The following NCKAP5 variants were observed in gnomAD, a reference collection of about 807,000 sequenced individuals.
NCKAP5 encodes the protein NCK associated protein 5.
A neutral mutation model predicts 167.0 loss-of-function variants in NCKAP5; 92 were observed. The observed-to-expected ratio is 0.55, with a 90% CI of 0.47 to 0.66. NCKAP5 has a LOEUF of 0.66. NCKAP5 is among the 30% of genes least tolerant of loss of function. NCKAP5 has a pLI of 0.00. For synonymous variants in NCKAP5, 891 were observed against 877.4 expected (o/e 1.02, Z -0.27); for missense variants, 2,378 against 2,315.0 (o/e 1.03, Z -0.56).
chr2:133,336,062 G>C (rs935464754), intron 3 of NCKAP5, among the ~76,000 whole-genome samples: 1 of 152,036 alleles, frequency 6.6e-6, no homozygotes, highest in Non-Finnish European at 1.5e-5. Context: ...GAATTAAGAG[G>C]TGTGGGCCTT....
intron 6 of NCKAP5, among the ~76,000 whole-genome samples, chr2:133,042,672 G>A (rs1045768543): frequency 2.0e-5 from 3 of 152,212 alleles, no homozygotes; most frequent in Non-Finnish European, 2.9e-5. Flanking sequence ...ACACACGTGT[G>A]CTTTCTAAAT....
intron 6 of NCKAP5, among the ~76,000 whole-genome samples, chr2:133,036,895 G>A (rs2079057569): frequency 6.6e-6 from 1 of 152,000 alleles, no homozygotes; most frequent in Non-Finnish European, 1.5e-5. Flanking sequence ...GTTGGCAGAT[G>A]ATATGATCTT....
chr2:133,378,243 G>A (rs936095037), intron 3 of NCKAP5, among the ~76,000 whole-genome samples: 1 of 152,054 alleles, frequency 6.6e-6, no homozygotes, highest in Non-Finnish European at 1.5e-5. Flanking sequence ...ATATCCAAAT[G>A]AGTGAAGTTT....
chr2:133,670,038 G>C, the NCKAP5 span, among the ~76,000 whole-genome samples: 1 of 152,180 alleles, frequency 6.6e-6, no homozygotes, highest in East Asian at 1.9e-4. Context: ...AAGGTAAATT[G>C]TATGTGGGAT....
At chr2:133,058,106 G>C (rs533319720) in intron 6 of NCKAP5, among the ~76,000 whole-genome samples, 2 of 152,150 alleles carry the variant, frequency 1.3e-5, no homozygotes, top group South Asian at 4.1e-4. Context: ...TAAACCCAGT[G>C]TTGAGACCTA....
At chr2:133,131,188 G>A (rs918423892) in intron 5 of NCKAP5, among the ~76,000 whole-genome samples, 2 of 152,116 alleles carry the variant, frequency 1.3e-5, no homozygotes, top group African/African-American at 2.4e-5. Flanking sequence ...AGAAACATTA[G>A]ACTAGAATCT....
At chr2:133,308,667 T>C (rs1680981789) in intron 3 of NCKAP5, among the ~76,000 whole-genome samples, 3 of 151,866 alleles carry the variant, frequency 2.0e-5, no homozygotes, top group Admixed American at 6.5e-5. Context: ...AGCATGCTTT[T>C]TTCGTTTGAA....
chr2:133,398,984 A>T (rs781414805), intron 3 of NCKAP5, among the ~76,000 whole-genome samples: 1 of 152,208 alleles, frequency 6.6e-6, no homozygotes, highest in Non-Finnish European at 1.5e-5. Flanking sequence ...AATGGTGGAA[A>T]GCAATGGAGA....
At chr2:132,859,656 C>T (rs1009768480) in intron 11 of NCKAP5, among the ~76,000 whole-genome samples, 8 of 152,248 alleles carry the variant, frequency 5.3e-5, no homozygotes, top group Non-Finnish European at 1.0e-4. Flanking sequence ...TTAGACCACG[C>T]AGTGGTGGGC....
In NCKAP5 at chr2:133,006,631, T is replaced by A. The variant is rs59176418; in HGVS notation, c.342-12392A>T. Among the ~76,000 whole-genome samples, 1,468 of 152,214 alleles carry A rather than the reference T, an allele frequency of 9.6e-3. 23 individuals carry two copies. The highest frequency in any genetic ancestry group is 0.033 in the African/African-American group (1,384 of 41,524). On this transcript the variant is annotated intron_variant, in intron 6 of 19. Transcript: ENST00000409261. ...TTTTTATTTTATTTTATTTTATTTT[T>A]TTTTTGACACATGTTTAGTCATTAA... is the stretch of plus-strand genomic sequence containing the variant.
At chr2:133,376,603 T>C (rs183434881) in intron 3 of NCKAP5, among the ~76,000 whole-genome samples, 293 of 152,292 alleles carry the variant, frequency 1.9e-3, no homozygotes, top group Middle Eastern at 0.017. Flanking sequence ...CTACCCAAAC[T>C]GTGGGCTGGG....
At chr2:133,052,814 G>C (rs576904676) in intron 6 of NCKAP5, among the ~76,000 whole-genome samples, 38 of 151,522 alleles carry the variant, frequency 2.5e-4, no homozygotes, top group Non-Finnish European at 4.3e-4. Flanking sequence ...ATAAACAATT[G>C]TTTATCAACA....
rs73001152 is a variant in NCKAP5, at chr2:133,404,352, C to T, written c.70-101242G>A. Among the ~76,000 whole-genome samples the T allele has an allele frequency of 4.6e-3, 702 of 152,288 alleles. 13 individuals are homozygous for T. The highest frequency in any genetic ancestry group is 0.016 in the African/African-American group (670 of 41,558). Reference sequence around the variant, plus strand: ...TATCTGCAGGGGATATATTCCAAAACCACTAGTGGATGCCTGAAACTTCAG... The same window carrying T: ...TATCTGCAGGGGATATATTCCAAAATCACTAGTGGATGCCTGAAACTTCAG... On this transcript the variant is annotated intron_variant, in intron 3 of 19. Coordinates refer to ENST00000409261, the MANE Select transcript of NCKAP5 (RefSeq NM_207363.3).
intron 4 of NCKAP5, among the ~76,000 whole-genome samples, chr2:133,295,380 C>T (rs973921292): frequency 1.3e-5 from 2 of 151,948 alleles, no homozygotes; most frequent in East Asian, 1.9e-4. Context: ...TTTGCATATA[C>T]GCAGCACATG....
intron 5 of NCKAP5, among the ~76,000 whole-genome samples, chr2:133,195,082 G>C (rs1414048529): frequency 6.6e-6 from 1 of 151,960 alleles, no homozygotes; most frequent in Non-Finnish European, 1.5e-5. Context: ...GGTGCTATGA[G>C]CCAAAGGTTC....
intron 3 of NCKAP5, among the ~76,000 whole-genome samples, chr2:133,492,240 C>T (rs1681529707): frequency 6.6e-6 from 1 of 151,712 alleles, no homozygotes; most frequent in African/African-American, 2.4e-5. Context: ...AAGATTTGCC[C>T]CACCCACTAA....
At chr2:133,242,119 CAAAAAAAAAAA>C (rs1176776551) in intron 4 of NCKAP5, among the ~76,000 whole-genome samples, 1 of 48,280 alleles carries the variant, frequency 2.1e-5, no homozygotes, top group Non-Finnish European at 4.5e-5. Context: ...AACTCTGTCT[CAAAAAAAAAAA>C]AAAAAAAAAA....
chr2:133,264,789 A>G (rs1354630767), intron 4 of NCKAP5, among the ~76,000 whole-genome samples: 1 of 152,240 alleles, frequency 6.6e-6, no homozygotes, highest in Non-Finnish European at 1.5e-5. Flanking sequence ...AGACAGGTGC[A>G]GAAATTTATT....
rs920156089 is a variant in NCKAP5 at position 133,447,991 on chromosome 2, A to T, written c.69+69467T>A. Among the ~76,000 whole-genome samples, 3 of 152,202 alleles carry T rather than the reference A, an allele frequency of 2.0e-5. No homozygotes were observed. In the East Asian group the frequency reaches 5.8e-4, roughly 29 times the overall value. On this transcript the variant is annotated intron_variant, in intron 3 of 19. Transcript: ENST00000409261. ...TCTAAGCTCACTGCTGAGAGTACCC[A>T]TCAGACTAAAGCAAACATGCCTATT...
Sources: allele counts gnomAD v4.1 joint callset (sites outside exome capture counted in the v4.1 genomes callset), GRCh38; gene constraint gnomAD v4.1.1; transcripts MANE v1.5; gene names NCBI Gene and HGNC (gene_info 2026-07-23, HGNC 2026-07-21).